Variants in TMEM135 observed in about 807,000 individuals in gnomAD.
The protein encoded by TMEM135 is peroxisomal membrane protein 52.
Under a neutral mutation model 60.3 loss-of-function variants are expected in TMEM135, and 30 were observed. The observed-to-expected ratio is 0.50, with a 90% CI of 0.37 to 0.68. The LOEUF is 0.68. Among genes scored for constraint, TMEM135 ranks in the 30% least tolerant of loss-of-function variants. The pLI is 0.00. For synonymous variants in TMEM135, 190 were observed against 186.7 expected (o/e 1.02, Z -0.14); for missense variants, 468 against 548.8 (o/e 0.85, Z 1.47).
At chr11:87,316,285 T>TGTGTGA (rs1554988336) in intron 12 of TMEM135, among the ~76,000 whole-genome samples, 2 of 149,344 alleles carry the variant, frequency 1.3e-5, no homozygotes, top group East Asian at 2.0e-4. Flanking sequence ...TGTGTGTGTG[T>TGTGTGA]GAGAGAGAGA....
intron 3 of TMEM135, among the ~76,000 whole-genome samples, chr11:87,075,189 CGCTCTGTCT>C (rs1481236284): frequency 2.0e-5 from 3 of 152,074 alleles, no homozygotes; most frequent in African/African-American, 7.2e-5. Context: ...GACGGAGTCT[CGCTCTGTCT>C]CCCAGGCTGG....
intron 5 of TMEM135, among the ~76,000 whole-genome samples, chr11:87,182,327 G>T (rs943036062): frequency 1.3e-5 from 2 of 152,050 alleles, no homozygotes; most frequent in Non-Finnish European, 2.9e-5. Context: ...ATGGTTTCTT[G>T]TCCATTGCCC....
intron 6 of TMEM135, among the ~76,000 whole-genome samples, chr11:87,255,862 C>A (rs927999450): frequency 1.3e-5 from 2 of 151,962 alleles, no homozygotes; most frequent in African/African-American, 2.4e-5. Context: ...TCTAGAGTAG[C>A]CTTTTATATT....
At chr11:87,086,029 GT>G (rs1857088154) in intron 3 of TMEM135, among the ~76,000 whole-genome samples, 1 of 151,644 alleles carries the variant, frequency 6.6e-6, no homozygotes, top group Non-Finnish European at 1.5e-5. Flanking sequence ...CTTGTAGATT[GT>G]TAAGTTTTAT....
At chr11:87,142,504 T>C (rs1938290245) in intron 4 of TMEM135, among the ~76,000 whole-genome samples, 1 of 152,216 alleles carries the variant, frequency 6.6e-6, no homozygotes, top group Non-Finnish European at 1.5e-5. Flanking sequence ...GGATTGACAA[T>C]CCGGCATCTA....
Position 87,295,792 on chromosome 11 carries a change from G to A in TMEM135, c.520G>A (p.Gly174Ser), listed in dbSNP as rs1942338147. Residue 174 changes from glycine (G) to serine (S), a missense_variant, in exon 7 of 15, where the codon GGC becomes AGC. Coordinates refer to ENST00000305494, the MANE Select transcript of TMEM135 (RefSeq NM_022918.4). Reference sequence around the variant, plus strand: ...TTCTTATTGTTTTAGGTGCAAGGATGGCTTGAAAGGATTTACATTTTCTGC... The same window carrying A: ...TTCTTATTGTTTTAGGTGCAAGGATAGCTTGAAAGGATTTACATTTTCTGC... ...MYMFFFRCKD[G>S]LKGFTFSALR... 1 of 1,606,894 alleles carries A rather than the reference G, an allele frequency of 6.2e-7. No homozygotes were observed. The highest frequency in any genetic ancestry group is 1.3e-5 in the African/African-American group (1 of 74,844).
At chr11:87,221,109 A>G (rs2135353988) in intron 5 of TMEM135, among the ~76,000 whole-genome samples, 1 of 152,242 alleles carries the variant, frequency 6.6e-6, no homozygotes, top group East Asian at 1.9e-4. Flanking sequence ...CTGGAGAAAA[A>G]AGATTGAGAA....
chr11:87,315,477 A>G (rs998302222), intron 12 of TMEM135, among the ~76,000 whole-genome samples: 27 of 151,902 alleles, frequency 1.8e-4, no homozygotes, highest in Non-Finnish European at 4.4e-5. Flanking sequence ...TGATGCTAAG[A>G]TTGATCAGTG....
intron 5 of TMEM135, among the ~76,000 whole-genome samples, chr11:87,197,268 A>G (rs958362115): frequency 1.3e-5 from 2 of 152,084 alleles, no homozygotes; most frequent in Non-Finnish European, 2.9e-5. Flanking sequence ...AGAAGGTGCA[A>G]TAGCTGGACG....
At chr11:87,270,354 A>G (rs1164309152) in intron 6 of TMEM135, among the ~76,000 whole-genome samples, 3 of 151,986 alleles carry the variant, frequency 2.0e-5, no homozygotes, top group African/African-American at 4.8e-5. Context: ...GTTTAATGAG[A>G]TCCCATTTGT....
chr11:87,236,800 C>T, intron 6 of TMEM135, 116 bp downstream of exon 6: 1 of 912,532 alleles, frequency 1.1e-6, no homozygotes, highest in South Asian at 1.4e-5. Flanking sequence ...CAGCATACTC[C>T]CCCCGCACCC....
At chr11:87,290,490 C>T (rs533209474) in intron 6 of TMEM135, among the ~76,000 whole-genome samples, 28 of 152,178 alleles carry the variant, frequency 1.8e-4, no homozygotes, top group South Asian at 1.7e-3. Context: ...AGTTTTCTAG[C>T]GACATCTGCT....
intron 6 of TMEM135, among the ~76,000 whole-genome samples, chr11:87,288,163 T>C (rs1942203167): frequency 6.6e-6 from 1 of 152,194 alleles, no homozygotes; most frequent in Admixed American, 6.5e-5. Context: ...CATATGTAAA[T>C]AATAAACAGC....
At chr11:87,093,063 C>T (rs1857245893) in intron 4 of TMEM135, among the ~76,000 whole-genome samples, 1 of 152,040 alleles carries the variant, frequency 6.6e-6, no homozygotes. Context: ...TTTGGAACTC[C>T]TTTGAGATAC....
At chr11:87,151,900 T>G (rs1332652099) in intron 4 of TMEM135, among the ~76,000 whole-genome samples, 1 of 152,212 alleles carries the variant, frequency 6.6e-6, no homozygotes, top group Non-Finnish European at 1.5e-5. Context: ...GTGTCTCACT[T>G]CTGCCCTAAT....
intron 2 of TMEM135, among the ~76,000 whole-genome samples, chr11:87,070,742 G>T (rs1201106167): frequency 6.6e-6 from 1 of 152,024 alleles, no homozygotes; most frequent in Non-Finnish European, 1.5e-5. Flanking sequence ...CTACTTTCAA[G>T]GAATATACTC....
chr11:87,197,581 T>G (rs1443608278), intron 5 of TMEM135, among the ~76,000 whole-genome samples: 1 of 150,280 alleles, frequency 6.7e-6, no homozygotes, highest in African/African-American at 2.4e-5. Flanking sequence ...ACTTTCCAAT[T>G]CTGTTAAAAT....
intron 4 of TMEM135, among the ~76,000 whole-genome samples, chr11:87,134,170 T>G (rs943118894): frequency 6.6e-6 from 1 of 152,132 alleles, no homozygotes; most frequent in African/African-American, 2.4e-5. Context: ...AGGTTGGTTT[T>G]TTCTGAGGCC....
Position 87,112,519 on chromosome 11 carries a change from C to T in TMEM135, c.396+21124C>T, listed in dbSNP as rs1015129574. On this transcript the variant is annotated intron_variant, in intron 4 of 14. Coordinates refer to ENST00000305494, the MANE Select transcript of TMEM135 (RefSeq NM_022918.4). ...AATTTTCAAAAACAGAAGCGAAGAACGGTGTCTTTCCTTGCATGATATTTA... is the reference window on the plus strand; with the variant it reads ...AATTTTCAAAAACAGAAGCGAAGAATGGTGTCTTTCCTTGCATGATATTTA... Among the ~76,000 whole-genome samples, 8 of 152,012 alleles carry T rather than the reference C, an allele frequency of 5.3e-5. No homozygotes were observed. The East Asian group carries it at 5.8e-4, about 11-fold the overall frequency.
Sources: allele counts gnomAD v4.1 joint callset (sites outside exome capture counted in the v4.1 genomes callset), GRCh38; gene constraint gnomAD v4.1.1; transcripts MANE v1.5; gene names NCBI Gene and HGNC (gene_info 2026-07-23, HGNC 2026-07-21).